Variants in ERICH3 observed in about 807,000 individuals in gnomAD.
ERICH3 encodes glutamate-rich protein 3.
ERICH3 carries 126 observed loss-of-function variants against 131.1 expected under a neutral mutation model. That is an observed-to-expected ratio of 0.96 (90% CI 0.83 to 1.11). The LOEUF (loss-of-function observed/expected upper bound fraction) is 1.11. Ranked by LOEUF, ERICH3 falls within the 50% of genes most tolerant of loss-of-function variation. ERICH3 has a pLI of 0.00. For missense variants in ERICH3, 2,050 were observed against 1,810.7 expected, an observed-to-expected ratio of 1.13 and a Z score of -2.40; for synonymous variants, 695 against 644.6, an observed-to-expected ratio of 1.08 and a Z score of -1.18.
chr1:74,594,889 T>C (rs1443742855), intron 11 of ERICH3, among the ~76,000 whole-genome samples: 2 of 152,154 alleles, frequency 1.3e-5, no homozygotes, highest in Non-Finnish European at 2.9e-5. Context: ...ACTTTGTTTT[T>C]GGTTTATTAG....
At chr1:74,595,639 G>T (rs1246027545) in intron 11 of ERICH3, among the ~76,000 whole-genome samples, 1 of 151,988 alleles carries the variant, frequency 6.6e-6, no homozygotes, top group African/African-American at 2.4e-5. Context: ...TATTCAATCA[G>T]CCCTTCATTC....
chr1:74,650,580 TCCAATA>T lies in ERICH3; in HGVS notation c.24-1271_24-1266del, dbSNP rs1263012927. Among the ~76,000 whole-genome samples, 5 of 152,054 alleles carry T rather than the reference TCCAATA, an allele frequency of 3.3e-5. 1 individual carries two copies. Among genetic ancestry groups the T allele is most frequent in the Non-Finnish European group, 7.4e-5 (5 of 68,006 alleles). On this transcript the variant is annotated intron_variant, in intron 1 of 14. Coordinates refer to ENST00000326665, the MANE Select transcript of ERICH3 (RefSeq NM_001002912.5). ...TATACTAGGTTTTTTCAATCTGATA[TCCAATA>T]CGGCTGGTAAGTGACTGAAGGGTGG...
At chr1:74,621,188 G>A (rs1186251946) in intron 7 of ERICH3, among the ~76,000 whole-genome samples, 1 of 152,170 alleles carries the variant, frequency 6.6e-6, no homozygotes, top group Non-Finnish European at 1.5e-5. Flanking sequence ...AAGTGCAAGT[G>A]TGTGGGGAGG....
intron 12 of ERICH3, chr1:74,578,286 G>C (rs1557664544): frequency 5.7e-6 from 1 of 176,814 alleles, no homozygotes; most frequent in South Asian, 1.7e-4. Context: ...CAGCAATGAT[G>C]ATGATGATGA....
intron 7 of ERICH3, among the ~76,000 whole-genome samples, chr1:74,630,026 T>A (rs1463339216): frequency 1.3e-5 from 2 of 152,166 alleles, no homozygotes; most frequent in Non-Finnish European, 2.9e-5. Context: ...GTTGAACTTG[T>A]ACATATAGAT....
intron 6 of ERICH3, among the ~76,000 whole-genome samples, 183 bp downstream of exon 6, chr1:74,636,097 T>C (rs956061794): frequency 1.3e-5 from 2 of 152,130 alleles, no homozygotes; most frequent in Admixed American, 6.6e-5. Flanking sequence ...GTGACACAAA[T>C]TACAGGCCTT....
chr1:74,615,272 T>G (rs1648907639), intron 8 of ERICH3: 1 of 152,140 alleles, frequency 6.6e-6, no homozygotes, highest in African/African-American at 2.4e-5. Flanking sequence ...GTCCAGAAAT[T>G]AGAAGGTTTT....
intron 10 of ERICH3, among the ~76,000 whole-genome samples, chr1:74,604,086 T>C (rs1371297798): frequency 6.6e-6 from 1 of 151,972 alleles, no homozygotes; most frequent in Non-Finnish European, 1.5e-5. Flanking sequence ...TATCAACTAA[T>C]ACATTTTATA....
At chr1:74,573,595 A>G (rs1647000143) in intron 13 of ERICH3, 104 bp from the exon 14 acceptor site, 12 of 1,274,352 alleles carry the variant, frequency 9.4e-6, no homozygotes, top group Non-Finnish European at 1.2e-5. Flanking sequence ...AGATATTTAT[A>G]TGTGATATCA....
At chr1:74,667,555 T>C (rs903953246) in intron 1 of ERICH3, among the ~76,000 whole-genome samples, 1 of 152,238 alleles carries the variant, frequency 6.6e-6, no homozygotes, top group African/African-American at 2.4e-5. Flanking sequence ...GTGATAGCTC[T>C]AGAAATTAAA....
chr1:74,632,473 C>T (rs1170873934), intron 6 of ERICH3, among the ~76,000 whole-genome samples: 1 of 151,736 alleles, frequency 6.6e-6, no homozygotes, highest in African/African-American at 2.4e-5. Context: ...TATCCTTTGA[C>T]CTAGAAATTC....
In ERICH3 at chr1:74,646,734, C is replaced by A. The variant is rs751191438; in HGVS notation, c.176G>T (p.Arg59Leu). Residue 59 changes from arginine (R) to leucine (L), a missense_variant, in exon 3 of 15, where the codon CGG becomes CTG. Physicochemically the swap from Arg to Leu is moderately radical, Grantham distance 102. Coordinates refer to ENST00000326665, the MANE Select transcript of ERICH3 (RefSeq NM_001002912.5). ...EKEYKLNMMK[R>L]DHQKYIRECL... ...TTCCCGGATATATTTTTGATGATCC[C>A]GCTTCATCATATTTAGTTTATATTC... The A allele has an allele frequency of 1.3e-6, 2 of 1,501,410 alleles. No individual in the cohort carries two copies. Among genetic ancestry groups the A allele is most frequent in the East Asian group, 2.5e-5 (1 of 39,914 alleles). The allele number at this position is 1,501,410 out of a possible 1,614,324, so 93.0% of individuals were successfully genotyped here. A position where few individuals can be genotyped will look rare whatever the true frequency, so the allele number is the denominator to read the frequency against.
At chr1:74,605,053 A>C (rs1254787886) in intron 10 of ERICH3, among the ~76,000 whole-genome samples, 1 of 151,952 alleles carries the variant, frequency 6.6e-6, no homozygotes. Flanking sequence ...ACATTTATAA[A>C]TGATCTTCGC....
chr1:74,589,847 C>T lies in ERICH3; in HGVS notation c.1960G>A (p.Val654Met), dbSNP rs748336107. ...TCTATTGGCATCGGCTTGGTCTCCACATCTGCTTTTGTTATTTCTTGGTCT... is the reference window on the plus strand; with the variant it reads ...TCTATTGGCATCGGCTTGGTCTCCATATCTGCTTTTGTTATTTCTTGGTCT... ...IEDQEITKADVETKPMPIDES... is the reference protein window; with the variant it reads ...IEDQEITKADMETKPMPIDES... The change falls in exon 12 of 15, where the codon GTG (valine) becomes ATG (methionine). Residue 654 changes from valine (V) to methionine (M), a missense_variant. Val to Met is a conservative substitution (Grantham distance 21). Transcript: ENST00000326665. 1 of 1,613,970 alleles carries T rather than the reference C, an allele frequency of 6.2e-7. No homozygotes were observed. The highest frequency in any genetic ancestry group is 1.7e-5 in the Admixed American group (1 of 59,992).
chr1:74,629,018 C>T (rs184045424), intron 7 of ERICH3, among the ~76,000 whole-genome samples: 89 of 152,028 alleles, frequency 5.9e-4, no homozygotes, highest in African/African-American at 1.9e-3. Context: ...ATTTATAGAA[C>T]CTTAATTTCA....
chr1:74,607,544 T>A (rs909649546), intron 9 of ERICH3, among the ~76,000 whole-genome samples: 4 of 151,996 alleles, frequency 2.6e-5, no homozygotes, highest in African/African-American at 7.2e-5. Context: ...GTTCACTTAT[T>A]TTCATAGAAC....
chr1:74,612,809 T>C lies in ERICH3; in HGVS notation c.1001A>G (p.Glu334Gly). The change falls in exon 9 of 15, where the codon GAG becomes GGG. Residue 334 changes from glutamate to glycine, a missense_variant and splice_region_variant. Transcript: ENST00000326665. ...CVYKGKLLEK[E>G]TFQFISKRHH... is the part of the protein sequence containing the mutation. ...CCTTTTGGAAATAAACTGAAAGGTC[T>C]CTGGAATTAAAATAGAAATACATTA... 1.3e-6 allele frequency: 2 copies of C among 1,566,166 alleles called. No individual in the cohort carries two copies. Among genetic ancestry groups the C allele is most frequent in the Non-Finnish European group, 1.7e-6 (2 of 1,145,922 alleles).
At chr1:74,653,779 G>T (rs1646558987) in intron 1 of ERICH3, among the ~76,000 whole-genome samples, 1 of 151,938 alleles carries the variant, frequency 6.6e-6, no homozygotes, top group Non-Finnish European at 1.5e-5. Flanking sequence ...ATTTCTTCTG[G>T]CCTGAAGCAC....
At chr1:74,617,728 C>T (rs911003100) in intron 8 of ERICH3, among the ~76,000 whole-genome samples, 3 of 152,186 alleles carry the variant, frequency 2.0e-5, no homozygotes, top group Non-Finnish European at 2.9e-5. Context: ...AGGGAACTTC[C>T]TGAAGTGCTG....
Sources: allele counts gnomAD v4.1 joint callset (sites outside exome capture counted in the v4.1 genomes callset), GRCh38; gene constraint gnomAD v4.1.1; transcripts MANE v1.5; gene names NCBI Gene and HGNC (gene_info 2026-07-23, HGNC 2026-07-21).